Variants in LPCAT1 observed in about 807,000 individuals in gnomAD.
The protein encoded by LPCAT1 is 1-acylglycerol-3-phosphate O-acyltransferase.
A neutral mutation model predicts 60.9 loss-of-function variants in LPCAT1; 23 were observed. That is an observed-to-expected ratio of 0.38 (90% CI 0.27 to 0.53). The LOEUF is 0.53. Among genes scored for constraint, LPCAT1 ranks in the 20% least tolerant of loss-of-function variants. The probability of loss-of-function intolerance (pLI) is 0.82; values close to 1 mark genes in which losing one functional copy is unlikely to be tolerated. For missense variants in LPCAT1, 622 were observed against 723.6 expected, an observed-to-expected ratio of 0.86 and a Z score of 1.61; for synonymous variants, 340 against 301.1, an observed-to-expected ratio of 1.13 and a Z score of -1.34.
intron 10 of LPCAT1, among the ~76,000 whole-genome samples, 193 bp downstream of exon 10, chr5:1,474,367 C>T (rs140640194): frequency 9.5e-4 from 144 of 152,304 alleles, no homozygotes; most frequent in Non-Finnish European, 1.7e-3. Flanking sequence ...CCTGGGGCGC[C>T]GTCCACAGAC....
Position 1,463,187 on chromosome 5 carries a change from T to C in LPCAT1, c.*464A>G, listed in dbSNP as rs926530347. On this transcript the variant is annotated 3_prime_UTR_variant, in exon 14 of 14. Transcript: ENST00000283415. ...AAACACTGAAAAATCAGGTGACGGC[T>C]CGGCTCTGCCAGGCTGTGGATCCAC... 6.4e-6 allele frequency: 1 copy of C among 157,280 alleles called. No homozygotes were observed. Among genetic ancestry groups the C allele is most frequent in the Admixed American group, 6.4e-5 (1 of 15,510 alleles). The allele number at this position is 157,280 out of a possible 1,614,324, so 9.7% of individuals were successfully genotyped here.
chr5:1,502,500 C>T lies in LPCAT1; in HGVS notation c.136-897G>A, dbSNP rs1736053875. On this transcript the variant is annotated intron_variant, in intron 1 of 13. Transcript: ENST00000283415. The surrounding 1 kb of genome is among the most constrained non-coding windows in gnomAD (Gnocchi z 5.5). Reference sequence around the variant, plus strand: ...GAGTGAACTGGCGGGAGGGCAGGGGCGCAGGTCAATATGGGGGCTCAGGAA... The same window carrying T: ...GAGTGAACTGGCGGGAGGGCAGGGGTGCAGGTCAATATGGGGGCTCAGGAA... Among the ~76,000 whole-genome samples the T allele has an allele frequency of 6.6e-6, 1 of 152,038 alleles. No homozygotes were observed. The highest frequency in any genetic ancestry group is 1.5e-5 in the Non-Finnish European group (1 of 68,022).
rs13170495 is a variant in LPCAT1, at chr5:1,476,244, G to T, written c.899+1160C>A. 6.6e-6 allele frequency among the ~76,000 whole-genome samples: 1 copy of T among 152,150 alleles called. No individual in the cohort carries two copies. Among genetic ancestry groups the T allele is most frequent in the Non-Finnish European group, 1.5e-5 (1 of 68,016 alleles). On this transcript the variant is annotated intron_variant, in intron 9 of 13. Coordinates refer to ENST00000283415, the MANE Select transcript of LPCAT1 (RefSeq NM_024830.5). This position sits in a 1 kb window ranked among gnomAD's most constrained non-coding sequence, Gnocchi z 8.6. ...CCGGAGCACAGGTGCTGGGCTTGGA[G>T]GTGGGAATGCATTCCCCTGGCTCGG... is the stretch of plus-strand genomic sequence containing the variant.
intron 1 of LPCAT1, among the ~76,000 whole-genome samples, chr5:1,503,582 C>A (rs1736093384): frequency 6.6e-6 from 1 of 152,216 alleles, no homozygotes; most frequent in South Asian, 2.1e-4. Flanking sequence ...GCCACTGTCA[C>A]CAGCTGTTAA....
Position 1,496,436 on chromosome 5 carries a change from C to T in LPCAT1, c.279-1522G>A, listed in dbSNP as rs1735795570. Among the ~76,000 whole-genome samples, 1 of 146,860 alleles carries T rather than the reference C, an allele frequency of 6.8e-6. No homozygotes were observed. The highest frequency in any genetic ancestry group is 2.5e-5 in the African/African-American group (1 of 39,640). On this transcript the variant is annotated intron_variant, in intron 2 of 13. Coordinates refer to ENST00000283415, the MANE Select transcript of LPCAT1 (RefSeq NM_024830.5). The surrounding 1 kb of genome is among the most constrained non-coding windows in gnomAD (Gnocchi z 4.7). ...TTTCCACAAAAAAAAAAAAAAAGTACAAAAACAAAAGCCAAAAGACAGCAA... is the reference window on the plus strand; with the variant it reads ...TTTCCACAAAAAAAAAAAAAAAGTATAAAAACAAAAGCCAAAAGACAGCAA...
At position 1,464,241 on chromosome 5, in the gene LPCAT1, C is replaced by G. The variant is rs537088106; in HGVS notation, c.1421-406G>C. ...GGGTGCCCTCGTCCACCCTGGGAGA[C>G]CCGGTAGGCAGGGGGCCGTCCTCAC... On this transcript the variant is annotated intron_variant, in intron 13 of 13. Transcript: ENST00000283415. Among the ~76,000 whole-genome samples the G allele has an allele frequency of 2.2e-4, 34 of 152,328 alleles. No individual in the cohort carries two copies. In the South Asian group the frequency reaches 7.0e-3, roughly 32 times the overall value.
chr5:1,501,425 C>CA, intron 2 of LPCAT1, 36 bp downstream of exon 2: 1 of 1,579,124 alleles, frequency 6.3e-7, no homozygotes, highest in South Asian at 1.1e-5. Flanking sequence ...GCGTGACCCC[C>CA]CCCCAGGAGG....
chr5:1,465,720 C>T (rs1193622367), intron 13 of LPCAT1, among the ~76,000 whole-genome samples: 1 of 152,118 alleles, frequency 6.6e-6, no homozygotes, highest in Non-Finnish European at 1.5e-5. Context: ...CACACATGCA[C>T]GCTTTCAATA....
chr5:1,505,575 G>C (rs1478753254), intron 1 of LPCAT1, among the ~76,000 whole-genome samples: 3 of 152,032 alleles, frequency 2.0e-5, no homozygotes, highest in Non-Finnish European at 4.4e-5. Context: ...AGGGTAGTCA[G>C]GCTGCTGGTT....
In LPCAT1 at chr5:1,467,928, T is replaced by G. The variant is rs564916767; in HGVS notation, c.1279-1038A>C. Reference sequence around the variant, plus strand: ...TGGGGCTCCGACGGGGCCGTCGCCCTGACTCCGAGTCCCCTTCTCCTGCTG... The same window carrying G: ...TGGGGCTCCGACGGGGCCGTCGCCCGGACTCCGAGTCCCCTTCTCCTGCTG... On this transcript the variant is annotated intron_variant, in intron 12 of 13. Transcript: ENST00000283415. Among the ~76,000 whole-genome samples, 438 of 152,222 alleles carry G rather than the reference T, an allele frequency of 2.9e-3. 3 individuals are homozygous for G. The highest frequency in any genetic ancestry group is 1.0e-2 in the African/African-American group (414 of 41,556).
intron 9 of LPCAT1, among the ~76,000 whole-genome samples, chr5:1,475,083 G>T (rs765204270): frequency 1.6e-4 from 24 of 152,202 alleles, no homozygotes; most frequent in Non-Finnish European, 2.8e-4. Context: ...CTCAACACAG[G>T]GTTGCCACAA....
chr5:1,466,645 G>T, intron 13 of LPCAT1, 104 bp downstream of exon 13: 1 of 1,275,200 alleles, frequency 7.8e-7, no homozygotes, highest in Non-Finnish European at 1.1e-6. Flanking sequence ...TGGAGGCATG[G>T]CGGGGACTCC....
rs1351085389 is a variant in LPCAT1, at chr5:1,496,517, G to A, written c.279-1603C>T. ...CGGCGGAGGGAGAAGCGAGGCTGCA[G>A]AGGAGGCTGCGGCGGGCACAGGAGC... On this transcript the variant is annotated intron_variant, in intron 2 of 13. Transcript: ENST00000283415. The surrounding 1 kb of genome is among the most constrained non-coding windows in gnomAD (Gnocchi z 4.7). Among the ~76,000 whole-genome samples the A allele has an allele frequency of 6.6e-6, 1 of 152,124 alleles. No individual in the cohort carries two copies. Among genetic ancestry groups the A allele is most frequent in the Non-Finnish European group, 1.5e-5 (1 of 68,014 alleles).
chr5:1,467,944 TCTC>T (rs1734499855), intron 12 of LPCAT1, among the ~76,000 whole-genome samples: 1 of 152,014 alleles, frequency 6.6e-6, no homozygotes, highest in Admixed American at 6.5e-5. Context: ...CGAGTCCCCT[TCTC>T]CTGCTGCAGC....
At chr5:1,508,104 C>T (rs1397009679) in intron 1 of LPCAT1, among the ~76,000 whole-genome samples, 1 of 152,236 alleles carries the variant, frequency 6.6e-6, no homozygotes, top group Non-Finnish European at 1.5e-5. Flanking sequence ...GGACTTCAGC[C>T]TCCAGAATGG....
rs141603859 is a variant in LPCAT1, at chr5:1,497,144, T to G, written c.279-2230A>C. Among the ~76,000 whole-genome samples the G allele has an allele frequency of 7.3e-3, 1,117 of 152,286 alleles. 10 individuals carry two copies. Among genetic ancestry groups the G allele is most frequent in the African/African-American group, 0.024 (1,002 of 41,556 alleles). ...ATCCACCACGCTCGCCAAGAGAGTC[T>G]GGAAGAACAGGGCGCTGAGGAGCAT... On this transcript the variant is annotated intron_variant, in intron 2 of 13. Coordinates refer to ENST00000283415, the MANE Select transcript of LPCAT1 (RefSeq NM_024830.5).
intron 1 of LPCAT1, among the ~76,000 whole-genome samples, chr5:1,508,208 C>T (rs992683438): frequency 8.5e-5 from 13 of 152,218 alleles, no homozygotes; most frequent in Admixed American, 2.0e-4. Flanking sequence ...TGGGAGTGCA[C>T]GTGACCCCGG....
intron 4 of LPCAT1, 21 bp downstream of exon 4, chr5:1,489,725 A>G: frequency 6.6e-7 from 1 of 1,519,186 alleles, no homozygotes. Context: ...ACTGAAACAC[A>G]ATCAGGGCTA....
At chr5:1,465,338 AACT>A (rs1734327860) in intron 13 of LPCAT1, among the ~76,000 whole-genome samples, 1 of 81,622 alleles carries the variant, frequency 1.2e-5, no homozygotes, top group African/African-American at 3.7e-5. Context: ...GGCACACAGT[AACT>A]AAACACACAT....
Sources: gnomAD v4.1 joint callset for allele counts (sites outside exome capture counted in the v4.1 genomes callset) on GRCh38, gnomAD v4.1.1 for gene constraint, Gnocchi (gnomAD v3.1) non-coding constraint, MANE v1.5 for transcripts, NCBI Gene and HGNC (gene_info 2026-07-23, HGNC 2026-07-21) for gene names.